SMAD1: variants seen among roughly 807,000 people sequenced by gnomAD.
The protein encoded by SMAD1 is SMAD family member 1.
Under a neutral mutation model 41.6 loss-of-function variants are expected in SMAD1, and 6 were observed. That is an observed-to-expected ratio of 0.14 (90% CI 0.08 to 0.28). SMAD1 has a LOEUF of 0.28. SMAD1 is among the 10% of genes least tolerant of loss of function. The pLI, the probability that SMAD1 is intolerant of heterozygous loss-of-function variation, is 1.00. For missense variants in SMAD1, 379 were observed against 582.6 expected (o/e 0.65, Z 3.60); for synonymous variants, 206 against 203.2 (o/e 1.01, Z -0.12).
At chr4:145,547,018 T>TA in intron 5 of SMAD1, 94 bp downstream of exon 5, 1 of 988,974 alleles carries the variant, frequency 1.0e-6, no homozygotes, top group Non-Finnish European at 1.6e-6. Flanking sequence ...CAAACTGTTG[T>TA]AGCAAAGACC....
chr4:145,546,514 G>T (rs529123118), intron 4 of SMAD1, 189 bp from the exon 5 acceptor site: 102 of 563,942 alleles, frequency 1.8e-4, no homozygotes, highest in Non-Finnish European at 2.7e-4. Context: ...CTCCAATTAG[G>T]AGAATAAGGA....
chr4:145,552,307 C>T (rs1200342020), intron 5 of SMAD1, among the ~76,000 whole-genome samples: 8 of 152,190 alleles, frequency 5.3e-5, no homozygotes, highest in African/African-American at 7.2e-5. Context: ...GCTGTGTATA[C>T]ATATAAACAA....
intron 4 of SMAD1, chr4:145,546,480 T>A (rs368178220): frequency 3.4e-5 from 18 of 535,136 alleles, no homozygotes; most frequent in African/African-American, 2.8e-4. Flanking sequence ...TGATAGTAAT[T>A]GGAGAAAATT....
intron 6 of SMAD1, 119 bp from the exon 7 acceptor site, chr4:145,557,672 G>GA (rs1342291261): frequency 8.6e-6 from 6 of 697,672 alleles, no homozygotes; most frequent in Non-Finnish European, 1.4e-5. Flanking sequence ...GGGCGGGGGG[G>GA]TCAGGGAGGA....
intron 2 of SMAD1, among the ~76,000 whole-genome samples, chr4:145,517,661 AT>A: frequency 7.5e-6 from 1 of 132,832 alleles, no homozygotes; most frequent in East Asian, 2.0e-4. Context: ...TCATTTGGCC[AT>A]TTTTTTAGTG....
At chr4:145,515,352 G>C (rs568066507) in intron 2 of SMAD1, among the ~76,000 whole-genome samples, 1 of 152,070 alleles carries the variant, frequency 6.6e-6, no homozygotes, top group African/African-American at 2.4e-5. Context: ...TGTCTCACAT[G>C]GTTCTCTGCA....
At chr4:145,497,962 G>A (rs1482621823) in intron 1 of SMAD1, 1 of 152,154 alleles carries the variant, frequency 6.6e-6, no homozygotes, top group African/African-American at 2.4e-5. Flanking sequence ...GAAAAAGTCT[G>A]TCATTGATTG....
chr4:145,499,804 C>T (rs1454656970), intron 1 of SMAD1, among the ~76,000 whole-genome samples: 1 of 152,116 alleles, frequency 6.6e-6, no homozygotes, highest in Non-Finnish European at 1.5e-5. Context: ...GATACTCAAC[C>T]TGTATTCCTG....
At chr4:145,490,563 G>A (rs1449744152) in intron 1 of SMAD1, among the ~76,000 whole-genome samples, 4 of 152,176 alleles carry the variant, frequency 2.6e-5, no homozygotes, top group Admixed American at 2.6e-4. Flanking sequence ...GTAGGCTTAG[G>A]GATAGCAAAT....
intron 1 of SMAD1, among the ~76,000 whole-genome samples, chr4:145,509,126 A>AATG (rs1729944586): frequency 1.3e-5 from 2 of 152,224 alleles, no homozygotes; most frequent in South Asian, 4.1e-4. Flanking sequence ...GCCCATGGGC[A>AATG]ATGGTATAAT....
chr4:145,526,719 A>G (rs1731035430), intron 2 of SMAD1, among the ~76,000 whole-genome samples: 1 of 152,168 alleles, frequency 6.6e-6, no homozygotes, highest in African/African-American at 2.4e-5. Flanking sequence ...GTAGAATGCC[A>G]TTGCCAACCA....
At chr4:145,508,832 A>G (rs1190458415) in intron 1 of SMAD1, among the ~76,000 whole-genome samples, 1 of 152,096 alleles carries the variant, frequency 6.6e-6, no homozygotes. Context: ...GTAACCTCAT[A>G]TGGTGGAAGG....
Position 145,507,849 on chromosome 4 carries a change from C to T in SMAD1, c.-176-6589C>T, listed in dbSNP as rs117883706. On this transcript the variant is annotated intron_variant, in intron 1 of 6. Coordinates refer to ENST00000302085, the MANE Select transcript of SMAD1 (RefSeq NM_005900.3). ...AAAAAAAGTAGTTGTCTTGCCAAGG[C>T]CATAGTATCATGGACTCATTTGAGT... Among the ~76,000 whole-genome samples the T allele has an allele frequency of 3.3e-5, 5 of 152,154 alleles. No homozygotes were observed. The East Asian group carries it at 9.7e-4, about 29-fold the overall frequency.
rs563130681 is a variant in SMAD1, at chr4:145,557,672, G to C, written c.1255-119G>C. 4.1e-4 allele frequency: 284 copies of C among 697,790 alleles called. 2 individuals are homozygous for C. The highest frequency in any genetic ancestry group is 6.0e-4 in the Non-Finnish European group (267 of 443,848). 43.2% of individuals were successfully genotyped at this position (697,790 alleles called of 1,614,324 possible). A position where few individuals can be genotyped will look rare whatever the true frequency, so the allele number is the denominator to read the frequency against. ...TTTTTTTCTCCCCAGGGGCGGGGGG[G>C]TCAGGGAGGAAAGATGCATAGCTTT... On this transcript the variant is annotated intron_variant, in intron 6 of 6. Coordinates refer to ENST00000302085, the MANE Select transcript of SMAD1 (RefSeq NM_005900.3).
chr4:145,488,001 T>C (rs1417180476), intron 1 of SMAD1, among the ~76,000 whole-genome samples: 1 of 152,206 alleles, frequency 6.6e-6, no homozygotes, highest in African/African-American at 2.4e-5. Flanking sequence ...AGCTAAAATC[T>C]GAACTTTAGA....
chr4:145,489,937 G>A (rs751066447), intron 1 of SMAD1, among the ~76,000 whole-genome samples: 55 of 152,158 alleles, frequency 3.6e-4, no homozygotes, highest in Non-Finnish European at 6.6e-4. Flanking sequence ...CTGGAAGAAA[G>A]GCATGGGGTC....
chr4:145,494,374 G>T (rs1728947348), intron 1 of SMAD1, among the ~76,000 whole-genome samples: 1 of 152,220 alleles, frequency 6.6e-6, no homozygotes, highest in Non-Finnish European at 1.5e-5. Context: ...GTAAGTACAG[G>T]ACCTGCACTG....
At chr4:145,480,881 T>G (rs1353326649), upstream of SMAD1, among the ~76,000 whole-genome samples, 1 of 151,068 alleles carries the variant, frequency 6.6e-6, no homozygotes, top group African/African-American at 2.4e-5. Context: ...AGGAATTTAA[T>G]TAGAAGACAT....
chr4:145,537,761 A>G (rs1469084410), intron 2 of SMAD1, among the ~76,000 whole-genome samples: 1 of 152,138 alleles, frequency 6.6e-6, no homozygotes, highest in Non-Finnish European at 1.5e-5. Flanking sequence ...GGCTATTGCA[A>G]AGGCTAGTTC....
Sources: allele counts gnomAD v4.1 joint callset (sites outside exome capture counted in the v4.1 genomes callset), GRCh38; gene constraint gnomAD v4.1.1; transcripts MANE v1.5; gene names NCBI Gene and HGNC (gene_info 2026-07-23, HGNC 2026-07-21).